The following VPS13D variants were observed in gnomAD, a reference collection of about 807,000 sequenced individuals.
VPS13D encodes vacuolar protein sorting 13 homolog D.
VPS13D carries 187 observed loss-of-function variants against 461.9 expected under a neutral mutation model. The observed-to-expected ratio is 0.40, with a 90% CI of 0.36 to 0.46. VPS13D has a LOEUF of 0.46. Among genes scored for constraint, VPS13D ranks in the 20% least tolerant of loss-of-function variants. The pLI is 0.60. For missense variants in VPS13D, 4,711 were observed against 5,364.9 expected, an observed-to-expected ratio of 0.88 and a Z score of 3.81; for synonymous variants, 1,951 against 1,986.3, an observed-to-expected ratio of 0.98 and a Z score of 0.47.
chr1:12,424,533 G>A (rs1644900446), intron 65 of VPS13D, among the ~76,000 whole-genome samples: 1 of 152,182 alleles, frequency 6.6e-6, no homozygotes, highest in Admixed American at 6.5e-5. Context: ...CAGTCCCCAT[G>A]TACCTCACTG....
At chr1:12,314,839 A>T (rs553848989) in intron 30 of VPS13D, among the ~76,000 whole-genome samples, 1 of 152,340 alleles carries the variant, frequency 6.6e-6, no homozygotes, top group Non-Finnish European at 1.5e-5. Context: ...TATATTTTGG[A>T]ATCAGACAGA....
At chr1:12,496,470 C>T (rs2100539149) in intron 67 of VPS13D, among the ~76,000 whole-genome samples, 1 of 152,356 alleles carries the variant, frequency 6.6e-6, no homozygotes, top group Non-Finnish European at 1.5e-5. Flanking sequence ...GTAAGTAAAT[C>T]TCTATGCTGC....
intron 62 of VPS13D, chr1:12,402,481 T>C (rs1187541680): frequency 6.6e-6 from 1 of 152,218 alleles, no homozygotes; most frequent in Non-Finnish European, 1.5e-5. Context: ...CCATGTTGGC[T>C]AGAGAAAAAA....
chr1:12,409,890 G>A (rs966600655), intron 63 of VPS13D: 24 of 456,090 alleles, frequency 5.3e-5, no homozygotes, highest in Non-Finnish European at 8.8e-5. Context: ...GAGAAACTCA[G>A]TAAGGTGAGC....
chr1:12,493,923 C>T (rs1399657479), intron 67 of VPS13D, among the ~76,000 whole-genome samples: 1 of 152,176 alleles, frequency 6.6e-6, no homozygotes, highest in Non-Finnish European at 1.5e-5. Context: ...GTTTTTCAGG[C>T]ACTGACATTG....
chr1:12,288,444 G>T (rs931382478), intron 22 of VPS13D, 131 bp downstream of exon 22: 4 of 764,634 alleles, frequency 5.2e-6, no homozygotes, highest in African/African-American at 5.1e-5. Flanking sequence ...TATTAGTCTG[G>T]CCAGGATTCA....
chr1:12,452,454 G>C (rs935799055), intron 65 of VPS13D, among the ~76,000 whole-genome samples: 5 of 152,240 alleles, frequency 3.3e-5, no homozygotes, highest in African/African-American at 7.2e-5. Flanking sequence ...AGCAAGGCCA[G>C]AGGGCACCCA....
At chr1:12,262,312 G>A (rs1452907096) in intron 13 of VPS13D, among the ~76,000 whole-genome samples, 1 of 152,194 alleles carries the variant, frequency 6.6e-6, no homozygotes, top group East Asian at 1.9e-4. Flanking sequence ...ATGCGTGTCT[G>A]TATTTAAAGA....
At chr1:12,253,274 T>C (rs990633750) in intron 6 of VPS13D, among the ~76,000 whole-genome samples, 17 of 152,180 alleles carry the variant, frequency 1.1e-4, no homozygotes, top group Admixed American at 3.3e-4. Flanking sequence ...TATGGGTAGG[T>C]TATACGCAAA....
At chr1:12,504,510 G>A (rs1646078545) in intron 68 of VPS13D, among the ~76,000 whole-genome samples, 1 of 152,210 alleles carries the variant, frequency 6.6e-6, no homozygotes, top group African/African-American at 2.4e-5. Flanking sequence ...CTTTCTGTAT[G>A]GCCATGAATT....
Position 12,283,267 on chromosome 1 carries a change from C to T in VPS13D, c.5165C>T (p.Pro1722Leu), listed in dbSNP as rs1184310066. 1 of 1,614,080 alleles carries T rather than the reference C, an allele frequency of 6.2e-7. No homozygotes were observed. Among genetic ancestry groups the T allele is most frequent in the Non-Finnish European group, 8.5e-7 (1 of 1,180,024 alleles). ...SVSNVEYPDM[P>L]RSLPSHMEEA... is the part of the protein sequence containing the mutation. ...TCCAATGTGGAATATCCTGATATGC[C>T]TCGGTCTCTCCCTTCCCACATGGAA... The change falls in exon 21 of 70, where the codon CCT becomes CTT. Residue 1722 changes from proline (P) to leucine (L), a missense_variant. Pro to Leu is a moderately conservative substitution (Grantham distance 98, BLOSUM62 -3). Around this residue, in one of 3 missense-constraint regions of VPS13D, gnomAD observed 4,411 missense variants for 4,937.8 expected, o/e 0.89. Transcript: ENST00000620676.
intron 65 of VPS13D, among the ~76,000 whole-genome samples, chr1:12,444,891 T>A (rs1645174295): frequency 6.6e-6 from 1 of 152,214 alleles, no homozygotes; most frequent in Non-Finnish European, 1.5e-5. Flanking sequence ...GGAGTTAAAC[T>A]TCTTCTTTCC....
chr1:12,291,178 T>C, intron 23 of VPS13D, 54 bp downstream of exon 23: 1 of 1,577,238 alleles, frequency 6.3e-7, no homozygotes, highest in East Asian at 2.3e-5. Context: ...ACTTGCTGTT[T>C]CAGATTCTTG....
chr1:12,315,840 G>T (rs975908758), intron 30 of VPS13D, among the ~76,000 whole-genome samples: 4 of 149,990 alleles, frequency 2.7e-5, no homozygotes, highest in Non-Finnish European at 5.9e-5. Context: ...TTTTTGAGAC[G>T]TAGTCTCACT....
intron 46 of VPS13D, among the ~76,000 whole-genome samples, chr1:12,349,669 G>A (rs1320099737): frequency 6.6e-6 from 1 of 152,152 alleles, no homozygotes; most frequent in Non-Finnish European, 1.5e-5. Context: ...ATAGAGACGG[G>A]AAGGAAAACA....
intron 67 of VPS13D, among the ~76,000 whole-genome samples, chr1:12,485,495 G>T (rs997637846): frequency 6.6e-6 from 1 of 152,242 alleles, no homozygotes; most frequent in Non-Finnish European, 1.5e-5. Context: ...GATTAGGCAG[G>T]AATCAGCAAA....
intron 68 of VPS13D, among the ~76,000 whole-genome samples, chr1:12,503,698 T>A (rs1312796483): frequency 1.3e-5 from 2 of 152,180 alleles, no homozygotes; most frequent in Non-Finnish European, 2.9e-5. Context: ...TAATAGCAGA[T>A]CAGAGAACAG....
chr1:12,500,752 C>T (rs531177820), intron 68 of VPS13D, among the ~76,000 whole-genome samples: 1 of 151,492 alleles, frequency 6.6e-6, no homozygotes, highest in East Asian at 2.0e-4. Context: ...TGAGGTCTCG[C>T]CATGTTGCCC....
Position 12,373,861 on chromosome 1 carries a change from A to G in VPS13D, c.10917+3A>G. 1 of 1,600,776 alleles carries G rather than the reference A, an allele frequency of 6.2e-7. No individual in the cohort carries two copies. Among genetic ancestry groups the G allele is most frequent in the Non-Finnish European group, 8.5e-7 (1 of 1,172,278 alleles). The stretch of plus-strand genomic sequence containing the variant: ...AAAGAGTCATTTTAAAAAAGAAGGT[A>G]AGAGAGCTTACAATCAGAGTTTAGA... On this transcript the variant is annotated splice_donor_region_variant and intron_variant, in intron 55 of 69. Transcript: ENST00000620676.
Sources: allele counts gnomAD v4.1 joint callset (sites outside exome capture counted in the v4.1 genomes callset), GRCh38; gene constraint gnomAD v4.1.1; regional missense constraint gnomAD v4.1.1; transcripts MANE v1.5; gene names NCBI Gene and HGNC (gene_info 2026-07-23, HGNC 2026-07-21).